VPS51: variants seen among roughly 807,000 people sequenced by gnomAD.
The protein encoded by VPS51 is vacuolar protein sorting-associated protein 51 homolog.
A neutral mutation model predicts 65.1 loss-of-function variants in VPS51; 55 were observed. The observed-to-expected ratio is 0.84, with a 90% CI of 0.68 to 1.06. The LOEUF is 1.06. Among genes scored for constraint, VPS51 ranks in the 50% least tolerant of loss-of-function variants. The probability of loss-of-function intolerance (pLI) is 0.00; values close to 1 mark genes in which losing one functional copy is unlikely to be tolerated. For synonymous variants in VPS51, 473 were observed against 489.5 expected (o/e 0.97, Z 0.44); for missense variants, 943 against 1,101.6 (o/e 0.86, Z 2.04).
chr11:65,096,482 T>C lies in VPS51; in HGVS notation c.228+4T>C, dbSNP rs770413443. 11 of 925,794 alleles carry C rather than the reference T, an allele frequency of 1.2e-5. No homozygotes were observed. Among genetic ancestry groups the C allele is most frequent in the Non-Finnish European group, 1.7e-5 (11 of 665,096 alleles). The allele number at this position is 925,794 out of a possible 1,614,324, so 57.3% of individuals were successfully genotyped here. A position where few individuals can be genotyped will look rare whatever the true frequency, so the allele number is the denominator to read the frequency against. On this transcript the variant is annotated splice_donor_region_variant and intron_variant, in intron 1 of 9. Transcript: ENST00000279281. Reference sequence around the variant, plus strand: ...CCCGGAAGTTTACCTAGACAAGGTGTGTGCGCACGGGGAGTGGGGGGGTGC... The same window carrying C: ...CCCGGAAGTTTACCTAGACAAGGTGCGTGCGCACGGGGAGTGGGGGGGTGC...
chr11:65,110,680 C>CT lies in VPS51; in HGVS notation c.2001-12dup, dbSNP rs759964993. On this transcript the variant is annotated splice_polypyrimidine_tract_variant and intron_variant, in intron 8 of 9. Coordinates refer to ENST00000279281, the MANE Select transcript of VPS51 (RefSeq NM_013265.4). ...TGCAGGGCGGGCTCTGATTCCTTGTCTTCCCCAATCCAGTGCCCCGATGGA... is the reference window on the plus strand; with the variant it reads ...TGCAGGGCGGGCTCTGATTCCTTGTCTTTCCCCAATCCAGTGCCCCGATGGA... 6.2e-7 allele frequency: 1 copy of CT among 1,614,068 alleles called. No homozygotes were observed. Among genetic ancestry groups the CT allele is most frequent in the African/African-American group, 1.3e-5 (1 of 74,936 alleles).
chr11:65,096,964 C>T (rs995703111), intron 1 of VPS51, 34 bp from the exon 2 acceptor site: 2 of 1,611,814 alleles, frequency 1.2e-6, no homozygotes. Flanking sequence ...ATGAATGCCT[C>T]CTGACCCGAA....
chr11:65,103,902 GT>G lies in VPS51; in HGVS notation c.359-3667del, dbSNP rs200634225. Among the ~76,000 whole-genome samples, 296 of 135,290 alleles carry G rather than the reference GT, an allele frequency of 2.2e-3. 1 individual carries two copies. The highest frequency in any genetic ancestry group is 5.2e-3 in the African/African-American group (195 of 37,360). The allele number at this position is 135,290 out of a possible 152,430, so 88.8% of individuals were successfully genotyped here. A position where few individuals can be genotyped will look rare whatever the true frequency, so the allele number is the denominator to read the frequency against. On this transcript the variant is annotated intron_variant, in intron 2 of 9. Coordinates refer to ENST00000279281, the MANE Select transcript of VPS51 (RefSeq NM_013265.4). ...TAACGTTTACAGGGTGTTTTTTTTTGTTTTTTTTTTTTAGGGCTTTCTATTT... is the reference window on the plus strand; with the variant it reads ...TAACGTTTACAGGGTGTTTTTTTTTGTTTTTTTTTTTAGGGCTTTCTATTT...
Position 65,107,270 on chromosome 11 carries a change from C to G in VPS51, c.359-311C>G. On this transcript the variant is annotated intron_variant, in intron 2 of 9. Coordinates refer to ENST00000279281, the MANE Select transcript of VPS51 (RefSeq NM_013265.4). The surrounding 1 kb of genome is among the most constrained non-coding windows in gnomAD (Gnocchi z 4.0). The stretch of plus-strand genomic sequence containing the variant: ...GTGGTCTGATGGAGCAGTTGAGGCA[C>G]AGTGGTGGCAGCTGGCTAAGCACCT... The G allele has an allele frequency of 1.8e-6, 1 of 541,860 alleles. No homozygotes were observed. Among genetic ancestry groups the G allele is most frequent in the Non-Finnish European group, 3.5e-6 (1 of 282,924 alleles). 33.6% of individuals were successfully genotyped at this position (541,860 alleles called of 1,614,324 possible).
At chr11:65,096,939 G>A (rs1395132835) in intron 1 of VPS51, 59 bp from the exon 2 acceptor site, 1 of 1,602,284 alleles carries the variant, frequency 6.2e-7, no homozygotes, top group Non-Finnish European at 8.5e-7. Flanking sequence ...TCAGCTGCAG[G>A]CAAGGCTGGG....
At chr11:65,111,189 T>G (rs625004) in intron 9 of VPS51, 138 bp from the exon 10 acceptor site, 1 of 1,305,476 alleles carries the variant, frequency 7.7e-7, no homozygotes, top group Non-Finnish European at 1.1e-6. Flanking sequence ...TATCCCTCCC[T>G]TCTTATCTGG....
In VPS51 at chr11:65,109,383, G is replaced by T; in HGVS notation, c.1547G>T (p.Gly516Val). ...TTCTGCGACAGCCCTGGGGAGAAGG[G>T]GGGTGCCACACCACCTGCCCTGCTC... Reference protein sequence around the residue: ...QSFCDSPGEKGGATPPALLLL... With the variant: ...QSFCDSPGEKVGATPPALLLL... The change falls in exon 6 of 10, where the codon GGG becomes GTG. Residue 516 changes from glycine to valine, a missense_variant. Physicochemically the swap from Gly to Val is moderately radical, Grantham distance 109. This residue lies in a region of VPS51 where 855 missense variants were observed against 953.7 expected (regional missense o/e 0.90). Coordinates refer to ENST00000279281, the MANE Select transcript of VPS51 (RefSeq NM_013265.4). The T allele has an allele frequency of 6.2e-7, 1 of 1,612,592 alleles. No individual in the cohort carries two copies. Among genetic ancestry groups the T allele is most frequent in the Non-Finnish European group, 8.5e-7 (1 of 1,180,006 alleles).
At chr11:65,111,041 C>T in intron 9 of VPS51, 1 of 675,866 alleles carries the variant, frequency 1.5e-6, no homozygotes, top group Non-Finnish European at 2.6e-6. Context: ...TTGTCCTTAT[C>T]CCCACAGTAG....
Position 65,108,756 on chromosome 11 carries a change from C to G in VPS51, c.1285C>G (p.Leu429Val). The change falls in exon 5 of 10, where the codon CTG becomes GTG. Residue 429 changes from leucine (L) to valine (V), a missense_variant. Coordinates refer to ENST00000279281, the MANE Select transcript of VPS51 (RefSeq NM_013265.4). ...LGCLTDVRQA[L>V]AAPRVAGKEG... is the part of the protein sequence containing the mutation. ...CTGCCTGACAGACGTCCGCCAGGCGCTGGCAGCACCTCGCGTGGCTGGGAA... is the reference window on the plus strand; with the variant it reads ...CTGCCTGACAGACGTCCGCCAGGCGGTGGCAGCACCTCGCGTGGCTGGGAA... 6.2e-7 allele frequency: 1 copy of G among 1,612,132 alleles called. No homozygotes were observed. The highest frequency in any genetic ancestry group is 8.5e-7 in the Non-Finnish European group (1 of 1,179,866).
In VPS51 at chr11:65,096,826, C is replaced by T. The variant is rs571059665; in HGVS notation, c.229-172C>T. 1.1e-5 allele frequency: 11 copies of T among 972,396 alleles called. No homozygotes were observed. In the African/African-American group the frequency reaches 1.3e-4, roughly 12 times the overall value. The allele number at this position is 972,396 out of a possible 1,614,324, so 60.2% of individuals were successfully genotyped here. A position where few individuals can be genotyped will look rare whatever the true frequency, so the allele number is the denominator to read the frequency against. On this transcript the variant is annotated intron_variant, in intron 1 of 9. Coordinates refer to ENST00000279281, the MANE Select transcript of VPS51 (RefSeq NM_013265.4). Reference sequence around the variant, plus strand: ...CACCAAACACGGTTGAACCTAGTAACCCCTGAGCTAGGCCACTTAGGGCCC... The same window carrying T: ...CACCAAACACGGTTGAACCTAGTAATCCCTGAGCTAGGCCACTTAGGGCCC...
chr11:65,100,088 GC>G (rs1947798100), intron 2 of VPS51, among the ~76,000 whole-genome samples: 1 of 152,120 alleles, frequency 6.6e-6, no homozygotes, highest in African/African-American at 2.4e-5. Flanking sequence ...GGGCAACAGA[GC>G]GAGACTCCGT....
intron 1 of VPS51, 43 bp from the exon 2 acceptor site, chr11:65,096,955 T>G (rs1436408753): frequency 6.2e-7 from 1 of 1,609,378 alleles, no homozygotes; most frequent in South Asian, 1.1e-5. Flanking sequence ...CTGGGGGACA[T>G]GAATGCCTCC....
rs1201687952 is a variant in VPS51 at position 65,110,019 on chromosome 11, G to A, written c.1878+96G>A. 5 of 1,293,660 alleles carry A rather than the reference G, an allele frequency of 3.9e-6. No homozygotes were observed. In the African/African-American group the frequency reaches 5.9e-5, roughly 15 times the overall value. The allele number at this position is 1,293,660 out of a possible 1,614,324, so 80.1% of individuals were successfully genotyped here. ...CAGCAGAGGATCACTGGCAGTCCCT[G>A]CCTGGAGGAGGGGACATGTGTATCT... On this transcript the variant is annotated intron_variant, in intron 7 of 9. Transcript: ENST00000279281.
rs1332196784 is a variant in VPS51 at position 65,107,524 on chromosome 11, G to A, written c.359-57G>A. On this transcript the variant is annotated intron_variant, in intron 2 of 9. Coordinates refer to ENST00000279281, the MANE Select transcript of VPS51 (RefSeq NM_013265.4). The surrounding 1 kb of genome is among the most constrained non-coding windows in gnomAD (Gnocchi z 4.0). ...AAGGGGTGGGTGAGAAGGAGCTGAG[G>A]TTGCGCCCGCCCTGCAGTCACCTGC... The A allele has an allele frequency of 1.3e-6, 2 of 1,535,666 alleles. No individual in the cohort carries two copies. The highest frequency in any genetic ancestry group is 1.4e-5 in the African/African-American group (1 of 72,956).
chr11:65,110,082 C>T (rs1241463340), intron 7 of VPS51, 159 bp downstream of exon 7: 4 of 801,738 alleles, frequency 5.0e-6, no homozygotes, highest in East Asian at 2.7e-5. Flanking sequence ...CCAGGGCGTC[C>T]GTGAGGGAAC....
rs957319974 is a variant in VPS51, at chr11:65,108,198, G to C, written c.727G>C (p.Glu243Gln). Residue 243 changes from glutamate (E) to glutamine (Q), a missense_variant and splice_region_variant, in exon 5 of 10, where the codon GAG becomes CAG. Around this residue, in one of 2 missense-constraint regions of VPS51, gnomAD observed 855 missense variants for 953.7 expected, o/e 0.90. Transcript: ENST00000279281. ...LAQQLRQRFR[E>Q]GGSGAPEQAE... ...CTTCACTACCTCTCCCTCGTGCAGG[G>C]AGGGCGGCTCAGGCGCCCCGGAGCA... 11 of 1,600,770 alleles carry C rather than the reference G, an allele frequency of 6.9e-6. No homozygotes were observed. Among genetic ancestry groups the C allele is most frequent in the Non-Finnish European group, 8.5e-6 (10 of 1,177,176 alleles).
chr11:65,110,640 A>C, intron 8 of VPS51, 37 bp downstream of exon 8: 1 of 1,614,062 alleles, frequency 6.2e-7, no homozygotes, highest in Admixed American at 1.7e-5. Flanking sequence ...GGGAAGGGAC[A>C]AAAGAGGGCG....
chr11:65,110,806 C>T, intron 9 of VPS51, 25 bp downstream of exon 9: 1 of 1,613,916 alleles, frequency 6.2e-7, no homozygotes, highest in Non-Finnish European at 8.5e-7. Flanking sequence ...GTGACTCAGA[C>T]TTCCAGGGAT....
chr11:65,107,424 C>A lies in VPS51; in HGVS notation c.359-157C>A. The A allele has an allele frequency of 1.2e-6, 1 of 835,496 alleles. No individual in the cohort carries two copies. 51.8% of individuals were successfully genotyped at this position (835,496 alleles called of 1,614,324 possible). On this transcript the variant is annotated intron_variant, in intron 2 of 9. Coordinates refer to ENST00000279281, the MANE Select transcript of VPS51 (RefSeq NM_013265.4). The surrounding 1 kb of genome is among the most constrained non-coding windows in gnomAD (Gnocchi z 4.0). ...AAACCCCCTCCCCCGCCCCCATGTG[C>A]GCTGTGACCCACGCCCTCGCAGTCC... is the stretch of plus-strand genomic sequence containing the variant.
Sources: allele counts gnomAD v4.1 joint callset (sites outside exome capture counted in the v4.1 genomes callset), GRCh38; gene constraint gnomAD v4.1.1; regional missense constraint gnomAD v4.1.1; non-coding constraint Gnocchi (gnomAD v3.1); transcripts MANE v1.5; gene names NCBI Gene and HGNC (gene_info 2026-07-23, HGNC 2026-07-21).